The following CDC40 variants were observed in gnomAD, a reference collection of about 807,000 sequenced individuals.
CDC40 encodes the protein cell division cycle 40.
A neutral mutation model predicts 80.6 loss-of-function variants in CDC40; 27 were observed. That is an observed-to-expected ratio of 0.33 (90% confidence interval 0.25 to 0.46). The LOEUF (loss-of-function observed/expected upper bound fraction) is 0.46. Among genes scored for constraint, CDC40 ranks in the 20% least tolerant of loss-of-function variants. The pLI is 1.00. For missense variants in CDC40, 486 were observed against 694.1 expected (o/e 0.70, Z 3.37); for synonymous variants, 221 against 232.6 (o/e 0.95, Z 0.45).
chr6:110,209,256 G>T (rs1241259755), intron 5 of CDC40, 33 bp downstream of exon 5: 1 of 1,572,990 alleles, frequency 6.4e-7, no homozygotes, highest in Admixed American at 1.7e-5. Flanking sequence ...GTCAATTCAG[G>T]TATACGCTGT....
intron 13 of CDC40, among the ~76,000 whole-genome samples, chr6:110,228,629 A>G (rs1777895658): frequency 6.6e-6 from 1 of 152,120 alleles, no homozygotes; most frequent in Admixed American, 6.5e-5. Context: ...TCGTATATGC[A>G]AAAGCCATTA....
chr6:110,228,148 T>G (rs975796589), intron 13 of CDC40, among the ~76,000 whole-genome samples: 1 of 152,174 alleles, frequency 6.6e-6, no homozygotes, highest in Non-Finnish European at 1.5e-5. Context: ...CATTTGTGTA[T>G]CTAAACATAG....
intron 3 of CDC40, among the ~76,000 whole-genome samples, chr6:110,202,522 T>G (rs1247395214): frequency 6.6e-6 from 1 of 152,202 alleles, no homozygotes; most frequent in Non-Finnish European, 1.5e-5. Context: ...AGAAGGACCT[T>G]AAGCAATAAT....
intron 12 of CDC40, among the ~76,000 whole-genome samples, chr6:110,223,802 G>T (rs937047063): frequency 1.7e-3 from 26 of 15,652 alleles, no homozygotes; most frequent in African/African-American, 4.0e-3. Context: ...AACTTGTAGG[G>T]TTTTGTTTTG....
chr6:110,204,659 CTTTTTTTT>C (rs55895216), intron 3 of CDC40, among the ~76,000 whole-genome samples: 38 of 119,272 alleles, frequency 3.2e-4, no homozygotes, highest in African/African-American at 1.3e-3. Context: ...TCCTATTTCT[CTTTTTTTT>C]TTTTTTTTTT....
intron 2 of CDC40, among the ~76,000 whole-genome samples, chr6:110,197,216 A>G (rs1038815446): frequency 5.9e-5 from 9 of 152,170 alleles, no homozygotes; most frequent in African/African-American, 2.2e-4. Flanking sequence ...TTCAGTTGAC[A>G]GATGTTTAAG....
intron 2 of CDC40, among the ~76,000 whole-genome samples, chr6:110,193,480 C>T (rs1326347849): frequency 6.6e-6 from 1 of 152,066 alleles, no homozygotes; most frequent in African/African-American, 2.4e-5. Flanking sequence ...TCTCGGCTCA[C>T]TGCAAGCTCC....
intron 13 of CDC40, 115 bp downstream of exon 13, chr6:110,226,358 A>G: frequency 3.3e-6 from 2 of 600,344 alleles, no homozygotes; most frequent in East Asian, 5.5e-5. Context: ...CTGTGCCATT[A>G]TTTGTATAAG....
intron 1 of CDC40, among the ~76,000 whole-genome samples, chr6:110,191,644 G>A (rs1022510349): frequency 7.2e-5 from 11 of 152,118 alleles, no homozygotes; most frequent in African/African-American, 2.7e-4. Flanking sequence ...ATTCCAAAAG[G>A]AAATAACGGT....
chr6:110,200,857 A>T (rs985646265), intron 2 of CDC40, among the ~76,000 whole-genome samples: 2 of 152,230 alleles, frequency 1.3e-5, no homozygotes, highest in Non-Finnish European at 2.9e-5. Flanking sequence ...AAAGTATTAT[A>T]AGCAAATAAT....
rs1257973266 is a variant in CDC40, at chr6:110,211,990, TG to T, written c.728-142del. The T allele has an allele frequency of 3.3e-5, 21 of 632,134 alleles. No individual in the cohort carries two copies. In the African/African-American group the frequency reaches 3.9e-4, roughly 12 times the overall value. 39.2% of individuals were successfully genotyped at this position (632,134 alleles called of 1,614,324 possible). A position where few individuals can be genotyped will look rare whatever the true frequency, so the allele number is the denominator to read the frequency against. The stretch of plus-strand genomic sequence containing the variant: ...AAGCACTTAAATCTTAGCTGACTCA[TG>T]ATCTTGACATCATTGGAGTGTTATT... On this transcript the variant is annotated intron_variant, in intron 6 of 14. Coordinates refer to ENST00000307731, the MANE Select transcript of CDC40 (RefSeq NM_015891.3).
intron 1 of CDC40, among the ~76,000 whole-genome samples, chr6:110,184,920 A>C (rs902936935): frequency 6.6e-5 from 10 of 152,232 alleles, no homozygotes; most frequent in East Asian, 5.8e-4. Flanking sequence ...AGATTTTTAT[A>C]TCTCTCAATA....
chr6:110,189,292 T>C (rs908540282), intron 1 of CDC40, among the ~76,000 whole-genome samples: 1 of 152,230 alleles, frequency 6.6e-6, no homozygotes. Context: ...CTTATTTATA[T>C]ATTATATAGT....
chr6:110,219,922 T>G (rs1170282564), intron 12 of CDC40, 53 bp downstream of exon 12: 4 of 1,567,514 alleles, frequency 2.6e-6, no homozygotes, highest in Non-Finnish European at 3.5e-6. Context: ...CAGTTAAAAA[T>G]TATATAGACA....
intron 8 of CDC40, among the ~76,000 whole-genome samples, chr6:110,213,973 C>T (rs747697877): frequency 2.0e-5 from 3 of 152,088 alleles, no homozygotes; most frequent in Non-Finnish European, 2.9e-5. Flanking sequence ...TCTCTTTGTC[C>T]GGACCATGAT....
chr6:110,217,566 G>T (rs1363903397), intron 9 of CDC40, 136 bp from the exon 10 acceptor site: 1 of 614,548 alleles, frequency 1.6e-6, no homozygotes, highest in African/African-American at 1.9e-5. Flanking sequence ...TAAATCAGGC[G>T]GTGGCATTCC....
rs116447636 is a variant in CDC40, at chr6:110,190,432, G to A, written c.190-2750G>A. ...ATGAAGCCCTAACTAGGCCATTGTA[G>A]CTGGGATGCAAAGAGAGGAGGGTAG... is the stretch of plus-strand genomic sequence containing the variant. On this transcript the variant is annotated intron_variant, in intron 1 of 14. Coordinates refer to ENST00000307731, the MANE Select transcript of CDC40 (RefSeq NM_015891.3). Among the ~76,000 whole-genome samples, 880 of 152,266 alleles carry A rather than the reference G, an allele frequency of 5.8e-3. 7 individuals carry two copies. The highest frequency in any genetic ancestry group is 0.02 in the African/African-American group (846 of 41,528).
chr6:110,219,159 A>G (rs563364462), intron 10 of CDC40, among the ~76,000 whole-genome samples: 2 of 152,214 alleles, frequency 1.3e-5, no homozygotes, highest in South Asian at 4.2e-4. Context: ...TTATTCTACA[A>G]TTGGTAGTAC....
At chr6:110,221,826 A>G (rs1407579187) in intron 12 of CDC40, among the ~76,000 whole-genome samples, 1 of 152,096 alleles carries the variant, frequency 6.6e-6, no homozygotes, top group African/African-American at 2.4e-5. Context: ...TGGTCAGGAA[A>G]GAATTTTTAT....
Sources: gnomAD v4.1 joint callset for allele counts (sites outside exome capture counted in the v4.1 genomes callset) on GRCh38, gnomAD v4.1.1 for gene constraint, MANE v1.5 for transcripts, NCBI Gene and HGNC (gene_info 2026-07-23, HGNC 2026-07-21) for gene names.